The following CDH12 variants were observed in gnomAD, a reference collection of about 807,000 sequenced individuals.
CDH12 encodes cadherin-12.
CDH12 carries 41 observed loss-of-function variants against 74.1 expected under a neutral mutation model. The observed-to-expected ratio is 0.55, with a 90% confidence interval of 0.43 to 0.72. The LOEUF (loss-of-function observed/expected upper bound fraction) is 0.72, where lower values mean the gene tolerates loss of function less well. CDH12 is among the 30% of genes least tolerant of loss of function. The probability of loss-of-function intolerance (pLI) is 0.00; values close to 1 mark genes in which losing one functional copy is unlikely to be tolerated. For missense variants in CDH12, 945 were observed against 977.2 expected, an observed-to-expected ratio of 0.97 and a Z score of 0.44; for synonymous variants, 399 against 355.0, an observed-to-expected ratio of 1.12 and a Z score of -1.39.
chr5:21,990,836 C>A (rs995449708), intron 5 of CDH12, among the ~76,000 whole-genome samples: 55 of 151,476 alleles, frequency 3.6e-4, no homozygotes, highest in African/African-American at 1.3e-3. Context: ...ATATTCAGAG[C>A]AGAGATTAAA....
intron 1 of CDH12, among the ~76,000 whole-genome samples, chr5:22,613,020 C>G (rs917971195): frequency 6.6e-6 from 1 of 151,928 alleles, no homozygotes; most frequent in African/African-American, 2.4e-5. Flanking sequence ...GAAATTCTGC[C>G]GTATCATTCA....
In CDH12 at chr5:22,752,545, C is replaced by CTT. The variant is rs1159388186; in HGVS notation, c.-523+100511_-523+100512dup. Reference sequence around the variant, plus strand: ...GATGAAGAAAGCAGATAGGATACTTCTTTTTTTTTTTTTTTTTTTTTTTTT... The same window carrying CTT: ...GATGAAGAAAGCAGATAGGATACTTCTTTTTTTTTTTTTTTTTTTTTTTTTTT... On this transcript the variant is annotated intron_variant, in intron 1 of 14. Coordinates refer to ENST00000382254, the MANE Select transcript of CDH12 (RefSeq NM_004061.5). Among the ~76,000 whole-genome samples the CTT allele has an allele frequency of 9.2e-3, 602 of 65,736 alleles. 172 individuals carry two copies. Among genetic ancestry groups the CTT allele is most frequent in the African/African-American group, 0.012 (161 of 13,842 alleles). 43.1% of individuals were successfully genotyped at this position (65,736 alleles called of 152,430 possible).
At chr5:22,197,475 C>A (rs1388315971) in intron 4 of CDH12, among the ~76,000 whole-genome samples, 1 of 151,670 alleles carries the variant, frequency 6.6e-6, no homozygotes, top group Admixed American at 6.6e-5. Flanking sequence ...CATAAATAAA[C>A]AAAAAAGAAT....
At chr5:22,777,909 G>A (rs1747186662) in intron 1 of CDH12, among the ~76,000 whole-genome samples, 1 of 152,020 alleles carries the variant, frequency 6.6e-6, no homozygotes, top group East Asian at 1.9e-4. Context: ...CACCTCCTGG[G>A]TTCAAGCAAT....
intron 1 of CDH12, among the ~76,000 whole-genome samples, chr5:22,565,422 A>G (rs1739241428): frequency 6.6e-6 from 1 of 152,172 alleles, no homozygotes; most frequent in Non-Finnish European, 1.5e-5. Context: ...GTGTGTTCAA[A>G]ATATCTTTGA....
chr5:22,013,055 C>T (rs1276715687), intron 5 of CDH12, among the ~76,000 whole-genome samples: 2 of 151,098 alleles, frequency 1.3e-5, no homozygotes, highest in Non-Finnish European at 1.5e-5. Context: ...ATTATACGGA[C>T]ATGTCAAAAC....
rs1276854150 is a variant in CDH12 at position 22,275,262 on chromosome 5, C to T, written c.-332-62619G>A. 3.3e-5 allele frequency among the ~76,000 whole-genome samples: 5 copies of T among 151,630 alleles called. No individual in the cohort carries two copies. The East Asian group carries it at 9.7e-4, about 29-fold the overall frequency. On this transcript the variant is annotated intron_variant, in intron 3 of 14. Transcript: ENST00000382254. ...TACCTATGTACCAAACCTGCACGTT[C>T]TGCACATGTATCATAAAACTTAAAG...
intron 1 of CDH12, among the ~76,000 whole-genome samples, chr5:22,778,625 C>T (rs530539161): frequency 1.1e-3 from 169 of 152,212 alleles, no homozygotes; most frequent in Non-Finnish European, 1.5e-3. Flanking sequence ...TATTTGTCAA[C>T]TTTAAATTTC....
chr5:22,129,251 CCT>C (rs1312359385), intron 4 of CDH12, among the ~76,000 whole-genome samples: 1 of 152,158 alleles, frequency 6.6e-6, no homozygotes, highest in Non-Finnish European at 1.5e-5. Flanking sequence ...TTATGTAACA[CCT>C]CTGAGTTTCC....
chr5:22,823,650 G>C (rs1749847119), intron 1 of CDH12, among the ~76,000 whole-genome samples: 1 of 152,138 alleles, frequency 6.6e-6, no homozygotes, highest in Non-Finnish European at 1.5e-5. Context: ...TAATCCCCAA[G>C]TGTTGAGAAA....
intron 3 of CDH12, among the ~76,000 whole-genome samples, chr5:22,261,765 T>C (rs1482077893): frequency 7.0e-6 from 1 of 142,616 alleles, no homozygotes; most frequent in East Asian, 2.1e-4. Context: ...GTCAAGAGGA[T>C]AGCTCTAGGA....
At chr5:22,023,016 A>C (rs1455560078) in intron 5 of CDH12, among the ~76,000 whole-genome samples, 1 of 152,144 alleles carries the variant, frequency 6.6e-6, no homozygotes, top group African/African-American at 2.4e-5. Flanking sequence ...AAAAATAACA[A>C]TTATCTCATA....
intron 1 of CDH12, among the ~76,000 whole-genome samples, chr5:22,838,534 T>A (rs1736931904): frequency 6.6e-6 from 1 of 152,112 alleles, no homozygotes; most frequent in Non-Finnish European, 1.5e-5. Context: ...TAAAACTGAT[T>A]CACTGGTTAA....
chr5:22,586,596 T>A (rs1268221961), intron 1 of CDH12, among the ~76,000 whole-genome samples: 1 of 151,642 alleles, frequency 6.6e-6, no homozygotes, highest in Non-Finnish European at 1.5e-5. Flanking sequence ...ATCCTATAAT[T>A]ACATAAAGAT....
At chr5:21,882,769 G>A in intron 6 of CDH12, 3 of 1,597,002 alleles carry the variant, frequency 1.9e-6, no homozygotes, top group Admixed American at 3.3e-5. Context: ...CCAAAGGGAA[G>A]AACAGTGATT....
At chr5:22,554,152 G>C (rs1207875936) in intron 1 of CDH12, among the ~76,000 whole-genome samples, 1 of 152,162 alleles carries the variant, frequency 6.6e-6, no homozygotes, top group African/African-American at 2.4e-5. Context: ...CTGGGAATTA[G>C]GGAGAGGGTG....
intron 4 of CDH12, among the ~76,000 whole-genome samples, chr5:22,107,549 A>G (rs947187497): frequency 1.7e-5 from 2 of 117,534 alleles, no homozygotes; most frequent in Non-Finnish European, 3.8e-5. Context: ...ATTGTTAGGC[A>G]TTAGGCTATC....
rs1266538535 is a variant in CDH12 at position 22,505,323 on chromosome 5, T to C, written c.-481A>G. 1 of 984,996 alleles carries C rather than the reference T, an allele frequency of 1.0e-6. No homozygotes were observed. The highest frequency in any genetic ancestry group is 4.7e-5 in the South Asian group (1 of 21,288). 61.0% of individuals were successfully genotyped at this position (984,996 alleles called of 1,614,324 possible). A position where few individuals can be genotyped will look rare whatever the true frequency, so the allele number is the denominator to read the frequency against. On this transcript the variant is annotated 5_prime_UTR_variant, in exon 2 of 15. Transcript: ENST00000382254. ...TCCCAACTGCTCCTGGGTTCCAGCT[T>C]GTCTATATTTCCCAAAAGAGCCAAG...
intron 3 of CDH12, among the ~76,000 whole-genome samples, chr5:22,363,830 A>G (rs973157549): frequency 6.6e-5 from 10 of 152,236 alleles, no homozygotes. Context: ...GTTAAAGCAC[A>G]TAAAACCTGA....
Sources: gnomAD v4.1 joint callset for allele counts (sites outside exome capture counted in the v4.1 genomes callset) on GRCh38, gnomAD v4.1.1 for gene constraint, MANE v1.5 for transcripts, NCBI Gene and HGNC (gene_info 2026-07-23, HGNC 2026-07-21) for gene names.